AGPAT4: variants seen among roughly 807,000 people sequenced by gnomAD.
AGPAT4 encodes the protein 1-acylglycerol-3-phosphate O-acyltransferase 4, also known as 1-acyl-sn-glycerol-3-phosphate acyltransferase delta.
In AGPAT4, 15 loss-of-function variants were observed where a neutral mutation model predicts 48.0. That is an observed-to-expected ratio of 0.31 (90% confidence interval 0.21 to 0.48). The LOEUF is 0.48. Among genes scored for constraint, AGPAT4 ranks in the 20% least tolerant of loss-of-function variants. The pLI is 0.99. For synonymous variants in AGPAT4, 178 were observed against 198.7 expected (o/e 0.90, Z 0.88); for missense variants, 314 against 482.5 (o/e 0.65, Z 3.27).
At position 161,177,329 on chromosome 6, in the gene AGPAT4, CTTTG is replaced by C. The variant is rs1426441122; in HGVS notation, c.179-10916_179-10913del. On this transcript the variant is annotated intron_variant, in intron 2 of 8. Coordinates refer to ENST00000320285, the MANE Select transcript of AGPAT4 (RefSeq NM_020133.3). This position sits in a 1 kb window ranked among gnomAD's most constrained non-coding sequence, Gnocchi z 5.0. ...CACATAGTCCCATATTTCTTGGAGG[CTTTG>C]TTTGTTTCTTTTTACTCTTCTTTCT... Among the ~76,000 whole-genome samples the C allele has an allele frequency of 6.6e-6, 1 of 152,162 alleles. No individual in the cohort carries two copies. The highest frequency in any genetic ancestry group is 1.5e-5 in the Non-Finnish European group (1 of 68,028).
rs911165839 is a variant in AGPAT4, at chr6:161,212,733, C to T, written c.178+19303G>A. 6.6e-6 allele frequency among the ~76,000 whole-genome samples: 1 copy of T among 152,164 alleles called. No homozygotes were observed. Among genetic ancestry groups the T allele is most frequent in the African/African-American group, 2.4e-5 (1 of 41,440 alleles). ...GTCTTTCACTATGGCTACCCTAATA[C>T]ATTTTGTCATCCATGGACAATTGTC... On this transcript the variant is annotated intron_variant, in intron 2 of 8. Coordinates refer to ENST00000320285, the MANE Select transcript of AGPAT4 (RefSeq NM_020133.3). This position sits in a 1 kb window ranked among gnomAD's most constrained non-coding sequence, Gnocchi z 6.1.
chr6:161,207,339 G>T (rs748927179), intron 2 of AGPAT4, among the ~76,000 whole-genome samples: 7 of 152,158 alleles, frequency 4.6e-5, no homozygotes. Flanking sequence ...CTAACACAAA[G>T]ACAGGATCCG....
In AGPAT4 at chr6:161,243,877, G is replaced by C. The variant is rs1272259042; in HGVS notation, c.-89-11575C>G. On this transcript the variant is annotated intron_variant, in intron 1 of 8. Coordinates refer to ENST00000320285, the MANE Select transcript of AGPAT4 (RefSeq NM_020133.3). This position sits in a 1 kb window ranked among gnomAD's most constrained non-coding sequence, Gnocchi z 4.8. ...CTCCAGGGTGACCCTGAGCTGAAGT[G>C]ACTCCTAAGATCCTCAAAGCCCACT... 6.6e-6 allele frequency among the ~76,000 whole-genome samples: 1 copy of C among 152,202 alleles called. No individual in the cohort carries two copies. Among genetic ancestry groups the C allele is most frequent in the African/African-American group, 2.4e-5 (1 of 41,442 alleles).
intron 2 of AGPAT4, among the ~76,000 whole-genome samples, chr6:161,211,367 A>G (rs1781517661): frequency 6.6e-6 from 1 of 152,182 alleles, no homozygotes; most frequent in African/African-American, 2.4e-5. Flanking sequence ...TGTCTAATTC[A>G]AAGCTTATTT....
At chr6:161,260,271 G>T (rs951104349) in intron 1 of AGPAT4, among the ~76,000 whole-genome samples, 1 of 152,118 alleles carries the variant, frequency 6.6e-6, no homozygotes, top group Non-Finnish European at 1.5e-5. Flanking sequence ...CAGTCCCAAG[G>T]AGCTTGTCAA....
At position 161,238,188 on chromosome 6, in the gene AGPAT4, T is replaced by C. The variant is rs974572906; in HGVS notation, c.-89-5886A>G. On this transcript the variant is annotated intron_variant, in intron 1 of 8. Transcript: ENST00000320285. The surrounding 1 kb of genome is among the most constrained non-coding windows in gnomAD (Gnocchi z 5.2). ...GGCTACAAATCCAGGCCTGGCCACTTTACAGCTATGGAAGTTGATTAACTT... is the reference window on the plus strand; with the variant it reads ...GGCTACAAATCCAGGCCTGGCCACTCTACAGCTATGGAAGTTGATTAACTT... Among the ~76,000 whole-genome samples, 9 of 152,114 alleles carry C rather than the reference T, an allele frequency of 5.9e-5. No homozygotes were observed. The highest frequency in any genetic ancestry group is 2.2e-4 in the African/African-American group (9 of 41,410).
In AGPAT4 at chr6:161,217,903, CA is replaced by C. The variant is rs1274159703; in HGVS notation, c.178+14132del. ...TCTGGGTTTGTTCTTGTTTGGATAA[CA>C]TGCAGAACTCACCATCACTAGACTG... On this transcript the variant is annotated intron_variant, in intron 2 of 8. Coordinates refer to ENST00000320285, the MANE Select transcript of AGPAT4 (RefSeq NM_020133.3). This position sits in a 1 kb window ranked among gnomAD's most constrained non-coding sequence, Gnocchi z 4.9. 6.6e-6 allele frequency among the ~76,000 whole-genome samples: 1 copy of C among 152,344 alleles called. No homozygotes were observed. Among genetic ancestry groups the C allele is most frequent in the East Asian group, 1.9e-4 (1 of 5,180 alleles).
rs1435959356 is a variant in AGPAT4 at position 161,226,955 on chromosome 6, A to C, written c.178+5081T>G. On this transcript the variant is annotated intron_variant, in intron 2 of 8. Coordinates refer to ENST00000320285, the MANE Select transcript of AGPAT4 (RefSeq NM_020133.3). The surrounding 1 kb of genome is among the most constrained non-coding windows in gnomAD (Gnocchi z 6.3). ...AGCAGGGAAGAAGAAGGAAGAAGGAATAGAAGAAGGAAAGATTGTTTTGTT... is the reference window on the plus strand; with the variant it reads ...AGCAGGGAAGAAGAAGGAAGAAGGACTAGAAGAAGGAAAGATTGTTTTGTT... Among the ~76,000 whole-genome samples, 10 of 152,228 alleles carry C rather than the reference A, an allele frequency of 6.6e-5. No individual in the cohort carries two copies. The highest frequency in any genetic ancestry group is 1.5e-4 in the Non-Finnish European group (10 of 68,032).
rs1278533678 is a variant in AGPAT4, at chr6:161,225,027, CCTT to C, written c.178+7006_178+7008del. On this transcript the variant is annotated intron_variant, in intron 2 of 8. Coordinates refer to ENST00000320285, the MANE Select transcript of AGPAT4 (RefSeq NM_020133.3). This position sits in a 1 kb window ranked among gnomAD's most constrained non-coding sequence, Gnocchi z 5.0. ...TCCAATTACGTGCTTCACCCTGACT[CCTT>C]CCAACTACCTGCTCCACCCTGACTC... 6.6e-6 allele frequency among the ~76,000 whole-genome samples: 1 copy of C among 152,034 alleles called. No individual in the cohort carries two copies. The highest frequency in any genetic ancestry group is 2.4e-5 in the African/African-American group (1 of 41,366).
chr6:161,160,923 C>A, intron 3 of AGPAT4: 1 of 441,280 alleles, frequency 2.3e-6, no homozygotes, highest in Admixed American at 2.4e-5. Context: ...CGATTGGCCT[C>A]GCCCAGCACC....
chr6:161,180,797 C>A lies in AGPAT4; in HGVS notation c.179-14380G>T, dbSNP rs928306559. On this transcript the variant is annotated intron_variant, in intron 2 of 8. Coordinates refer to ENST00000320285, the MANE Select transcript of AGPAT4 (RefSeq NM_020133.3). This position sits in a 1 kb window ranked among gnomAD's most constrained non-coding sequence, Gnocchi z 6.4. The stretch of plus-strand genomic sequence containing the variant: ...GGTGCCTTCACACTCACAACACCCT[C>A]ACCTGGAGGTCAGTCGTCAAGTTAC... 1.3e-5 allele frequency among the ~76,000 whole-genome samples: 2 copies of A among 152,150 alleles called. No individual in the cohort carries two copies. The highest frequency in any genetic ancestry group is 4.8e-5 in the African/African-American group (2 of 41,424).
rs1414620340 is a variant in AGPAT4 at position 161,244,782 on chromosome 6, T to C, written c.-89-12480A>G. 1.3e-5 allele frequency among the ~76,000 whole-genome samples: 2 copies of C among 152,198 alleles called. No homozygotes were observed. The highest frequency in any genetic ancestry group is 3.9e-4 in the East Asian group (2 of 5,186). ...GGGTCAACTGATCCAGTAAGAGTGA[T>C]GCCTTCCACCACTTAGCCTAGGATG... is the stretch of plus-strand genomic sequence containing the variant. On this transcript the variant is annotated intron_variant, in intron 1 of 8. Coordinates refer to ENST00000320285, the MANE Select transcript of AGPAT4 (RefSeq NM_020133.3). The surrounding 1 kb of genome is among the most constrained non-coding windows in gnomAD (Gnocchi z 4.7).
intron 1 of AGPAT4, among the ~76,000 whole-genome samples, chr6:161,265,823 G>A (rs146748059): frequency 1.3e-5 from 2 of 152,236 alleles, no homozygotes; most frequent in African/African-American, 2.4e-5. Flanking sequence ...TGACCCCCAC[G>A]CAGACTTATC....
rs950938161 is a variant in AGPAT4 at position 161,254,542 on chromosome 6, G to A, written c.-90+19396C>T. 3.3e-5 allele frequency among the ~76,000 whole-genome samples: 5 copies of A among 152,244 alleles called. No individual in the cohort carries two copies. Among genetic ancestry groups the A allele is most frequent in the South Asian group, 2.1e-4 (1 of 4,822 alleles). On this transcript the variant is annotated intron_variant, in intron 1 of 8. Transcript: ENST00000320285. The surrounding 1 kb of genome is among the most constrained non-coding windows in gnomAD (Gnocchi z 5.9). ...CGTGGCCCTGGTGATCTTTTCTCAC[G>A]GCCATGTTCTTTATGTCCTTTCACT...
At position 161,219,897 on chromosome 6, in the gene AGPAT4, AGGCAGGCAGGCAGGCAGGC is replaced by A. The variant is rs1410757124; in HGVS notation, c.178+12120_178+12138del. Among the ~76,000 whole-genome samples the A allele has an allele frequency of 7.2e-6, 1 of 138,288 alleles. No individual in the cohort carries two copies. The highest frequency in any genetic ancestry group is 1.5e-5 in the Non-Finnish European group (1 of 66,240). 90.7% of individuals were successfully genotyped at this position (138,288 alleles called of 152,430 possible). On this transcript the variant is annotated intron_variant, in intron 2 of 8. Transcript: ENST00000320285. This position sits in a 1 kb window ranked among gnomAD's most constrained non-coding sequence, Gnocchi z 4.9. Reference sequence around the variant, plus strand: ...TAGGCAGGCAGGCAGGCAGGCAGGCAGGCAGGCAGGCAGGCAGGCGGCAGGCAGGCAGGCAGGCAGGCAG... The same window carrying A: ...TAGGCAGGCAGGCAGGCAGGCAGGCAGGCAGGCAGGCAGGCAGGCAGGCAG...
chr6:161,265,141 T>C (rs1321521914), intron 1 of AGPAT4, among the ~76,000 whole-genome samples: 1 of 145,294 alleles, frequency 6.9e-6, no homozygotes, highest in Admixed American at 6.8e-5. Context: ...GGTGCTGGAT[T>C]AGTACCCACC....
chr6:161,257,513 C>T (rs927602894), intron 1 of AGPAT4, among the ~76,000 whole-genome samples: 5 of 152,040 alleles, frequency 3.3e-5, no homozygotes, highest in Admixed American at 2.0e-4. Context: ...TACACAACGC[C>T]AAATTTACCA....
At chr6:161,271,951 C>T (rs1202912093) in intron 1 of AGPAT4, among the ~76,000 whole-genome samples, 5 of 152,230 alleles carry the variant, frequency 3.3e-5, no homozygotes, top group Non-Finnish European at 5.9e-5. Context: ...ACATCAGATG[C>T]TCACAATCCA....
rs1427321771 is a variant in AGPAT4 at position 161,264,495 on chromosome 6, T to A, written c.-90+9443A>T. 6.6e-6 allele frequency among the ~76,000 whole-genome samples: 1 copy of A among 152,150 alleles called. No individual in the cohort carries two copies. Among genetic ancestry groups the A allele is most frequent in the Non-Finnish European group, 1.5e-5 (1 of 68,014 alleles). ...ACCTAACGTGGGGGCTGTTCTTCTC[T>A]AGGAAGTATTTTAGGAAGCCCAGAC... On this transcript the variant is annotated intron_variant, in intron 1 of 8. Coordinates refer to ENST00000320285, the MANE Select transcript of AGPAT4 (RefSeq NM_020133.3). This position sits in a 1 kb window ranked among gnomAD's most constrained non-coding sequence, Gnocchi z 6.8.
Sources: allele counts gnomAD v4.1 joint callset (sites outside exome capture counted in the v4.1 genomes callset), GRCh38; gene constraint gnomAD v4.1.1; non-coding constraint Gnocchi (gnomAD v3.1); transcripts MANE v1.5; gene names NCBI Gene and HGNC (gene_info 2026-07-23, HGNC 2026-07-21).